Variants in ITGA9 observed in about 807,000 individuals in gnomAD.
The protein encoded by ITGA9 is integrin alpha-9.
In ITGA9, 56 loss-of-function variants were observed where a neutral mutation model predicts 127.8. That is an observed-to-expected ratio of 0.44 (90% confidence interval 0.35 to 0.55). The LOEUF (loss-of-function observed/expected upper bound fraction) is 0.55, where lower values mean the gene tolerates loss of function less well. Among genes scored for constraint, ITGA9 ranks in the 20% least tolerant of loss-of-function variants. The pLI, the probability that ITGA9 is intolerant of heterozygous loss-of-function variation, is 0.00. For synonymous variants in ITGA9, 508 were observed against 514.5 expected (o/e 0.99, Z 0.17); for missense variants, 1,196 against 1,347.1 (o/e 0.89, Z 1.76).
intron 25 of ITGA9, among the ~76,000 whole-genome samples, chr3:37,781,424 G>A (rs1260051614): frequency 6.6e-6 from 1 of 152,180 alleles, no homozygotes; most frequent in African/African-American, 2.4e-5. Flanking sequence ...AACAGGCAGA[G>A]GGCCAGATTT....
intron 1 of ITGA9, among the ~76,000 whole-genome samples, chr3:37,469,798 G>A (rs1185037327): frequency 6.6e-6 from 1 of 151,738 alleles, no homozygotes; most frequent in Non-Finnish European, 1.5e-5. Context: ...CTCTTTTTTT[G>A]TTTTGTTTTG....
chr3:37,643,273 C>T (rs983468370), intron 16 of ITGA9, among the ~76,000 whole-genome samples: 5 of 152,178 alleles, frequency 3.3e-5, no homozygotes, highest in Non-Finnish European at 7.3e-5. Context: ...TCAAAGAGGG[C>T]ACCATGGCAG....
Position 37,818,999 on chromosome 3 carries a change from C to T in ITGA9, c.*10C>T. On this transcript the variant is annotated 3_prime_UTR_variant, in exon 28 of 28. Coordinates refer to ENST00000264741, the MANE Select transcript of ITGA9 (RefSeq NM_002207.3). ...CCAGAAAAACCAGTGAGCTGCCACA[C>T]CAGTCACATGACCTGATCACTAGCC... The T allele has an allele frequency of 6.4e-7, 1 of 1,564,616 alleles. No homozygotes were observed. The highest frequency in any genetic ancestry group is 8.8e-7 in the Non-Finnish European group (1 of 1,134,820).
intron 15 of ITGA9, among the ~76,000 whole-genome samples, chr3:37,552,739 G>A (rs921953545): frequency 6.6e-6 from 1 of 152,168 alleles, no homozygotes; most frequent in Non-Finnish European, 1.5e-5. Context: ...TTTGGGCCAG[G>A]TGTGGTGGCT....
intron 11 of ITGA9, among the ~76,000 whole-genome samples, chr3:37,520,126 A>C (rs1699029060): frequency 6.6e-6 from 1 of 152,218 alleles, no homozygotes. Flanking sequence ...TTTAAGAGGC[A>C]GCAGGTAAAT....
chr3:37,733,505 C>T (rs1486706637), intron 19 of ITGA9, among the ~76,000 whole-genome samples: 2 of 101,066 alleles, frequency 2.0e-5, no homozygotes, highest in South Asian at 3.8e-4. Flanking sequence ...CAGAGTGAGA[C>T]TCCGTCTCAC....
At chr3:37,577,165 C>G (rs911784220) in intron 15 of ITGA9, among the ~76,000 whole-genome samples, 1 of 152,238 alleles carries the variant, frequency 6.6e-6, no homozygotes, top group Non-Finnish European at 1.5e-5. Flanking sequence ...TCCTGTGGTA[C>G]AGACATGACA....
intron 15 of ITGA9, among the ~76,000 whole-genome samples, chr3:37,577,778 G>A (rs757601272): frequency 2.0e-5 from 3 of 152,142 alleles, no homozygotes; most frequent in Admixed American, 6.5e-5. Flanking sequence ...GGCTAAGTGC[G>A]CAGAACATGT....
chr3:37,613,491 G>T (rs1220206037), intron 15 of ITGA9, among the ~76,000 whole-genome samples: 1 of 152,182 alleles, frequency 6.6e-6, no homozygotes, highest in African/African-American at 2.4e-5. Flanking sequence ...TAATGGGATG[G>T]CTGGGTCAAA....
chr3:37,489,087 T>C (rs928857157), intron 4 of ITGA9, among the ~76,000 whole-genome samples: 1 of 152,250 alleles, frequency 6.6e-6, no homozygotes, highest in African/African-American at 2.4e-5. Flanking sequence ...TGTGCCCTTT[T>C]GTGACTGGCT....
At position 37,819,125 on chromosome 3, in the gene ITGA9, A is replaced by T; in HGVS notation, c.*136A>T. 1 of 750,860 alleles carries T rather than the reference A, an allele frequency of 1.3e-6. No homozygotes were observed. The highest frequency in any genetic ancestry group is 1.5e-5 in the South Asian group (1 of 66,144). The allele number at this position is 750,860 out of a possible 1,614,324, so 46.5% of individuals were successfully genotyped here. On this transcript the variant is annotated 3_prime_UTR_variant, in exon 28 of 28. Coordinates refer to ENST00000264741, the MANE Select transcript of ITGA9 (RefSeq NM_002207.3). ...TGCTGTTCTCTTCTTCATTCTATCA[A>T]GCCCAGGTGCCAGCCTGAGGCAGCC...
In ITGA9 at chr3:37,465,002, C is replaced by T. The variant is rs549883240; in HGVS notation, c.186-6005C>T. 5.3e-5 allele frequency among the ~76,000 whole-genome samples: 8 copies of T among 152,356 alleles called. No individual in the cohort carries two copies. The East Asian group carries it at 1.5e-3, about 29-fold the overall frequency. On this transcript the variant is annotated intron_variant, in intron 1 of 27. Transcript: ENST00000264741. ...TGGACACACAGTGAAGAATTTGACT[C>T]ATGTAACCAAAACGTGGGTCCCTGG...
chr3:37,524,960 C>A (rs914599961), intron 12 of ITGA9, among the ~76,000 whole-genome samples: 3 of 152,172 alleles, frequency 2.0e-5, no homozygotes, highest in Admixed American at 6.5e-5. Context: ...ATACAACACC[C>A]AAGTGGAGAA....
chr3:37,803,788 A>G, intron 26 of ITGA9, 35 bp from the exon 27 acceptor site: 1 of 1,613,746 alleles, frequency 6.2e-7, no homozygotes, highest in South Asian at 1.1e-5. Flanking sequence ...AAAAAATAAA[A>G]AAGGAAATGT....
At position 37,762,119 on chromosome 3, in the gene ITGA9, T is replaced by C. The variant is rs550580950; in HGVS notation, c.2541+11550T>C. ...TTACTCTCTGGGCTTCCTCTTGAAT[T>C]CTTTCCTTTAGGAAGCCAAAACCCA... is the stretch of plus-strand genomic sequence containing the variant. On this transcript the variant is annotated intron_variant, in intron 23 of 27. Transcript: ENST00000264741. Among the ~76,000 whole-genome samples the C allele has an allele frequency of 1.8e-3, 270 of 152,396 alleles. 1 individual carries two copies. The highest frequency in any genetic ancestry group is 4.6e-3 in the Admixed American group (71 of 15,312).
chr3:37,575,685 C>T (rs1415588192), intron 15 of ITGA9, among the ~76,000 whole-genome samples: 1 of 152,008 alleles, frequency 6.6e-6, no homozygotes, highest in Non-Finnish European at 1.5e-5. Context: ...TAGTCTTTGG[C>T]TGTTTTGTTG....
chr3:37,779,927 G>T lies in ITGA9; in HGVS notation c.2693G>T (p.Cys898Phe). 1 of 1,613,944 alleles carries T rather than the reference G, an allele frequency of 6.2e-7. No homozygotes were observed. The highest frequency in any genetic ancestry group is 8.5e-7 in the Non-Finnish European group (1 of 1,179,878). Residue 898 changes from cysteine to phenylalanine, a missense_variant, in exon 25 of 28, where the codon TGC (cysteine) becomes TTC (phenylalanine). Cys to Phe is a radical substitution (Grantham distance 205). Coordinates refer to ENST00000264741, the MANE Select transcript of ITGA9 (RefSeq NM_002207.3). ...VLDCEKPGIS[C>F]LTAHCNFSAL... ...GACTGTGAAAAACCAGGAATTTCTT[G>T]CCTAACAGCACACTGTAACTTTAGT...
intron 13 of ITGA9, among the ~76,000 whole-genome samples, chr3:37,527,471 C>T (rs576851116): frequency 3.9e-4 from 60 of 152,294 alleles, no homozygotes; most frequent in African/African-American, 1.4e-3. Context: ...ATATAGCAAC[C>T]CTTTAGTATC....
intron 1 of ITGA9, among the ~76,000 whole-genome samples, chr3:37,458,105 C>T (rs1042102184): frequency 1.3e-5 from 2 of 152,226 alleles, no homozygotes; most frequent in East Asian, 1.9e-4. Flanking sequence ...AAATGAATTT[C>T]GTCAGATAGT....
Sources: gnomAD v4.1 joint callset for allele counts (sites outside exome capture counted in the v4.1 genomes callset) on GRCh38, gnomAD v4.1.1 for gene constraint, MANE v1.5 for transcripts, NCBI Gene and HGNC (gene_info 2026-07-23, HGNC 2026-07-21) for gene names.